The following OR1A1 variants were observed in gnomAD, a reference collection of about 807,000 sequenced individuals.
OR1A1 encodes olfactory receptor family 1 subfamily A member 1.
For missense variants in OR1A1, 391 were observed against 379.9 expected (o/e 1.03, Z -0.24); for synonymous variants, 145 against 147.8 (o/e 0.98, Z 0.13).
chr17:3,214,498 G>C (rs2048457200), intron 3 of OR1A1: 1 of 149,540 alleles, frequency 6.7e-6, no homozygotes, highest in African/African-American at 2.5e-5. Context: ...ACTCCAGCCT[G>C]GGCAAGATGC....
rs142898585 is a variant in OR1A1, at chr17:3,216,547, G to A, written c.927G>A (p.Ser309=). The change falls in exon 4 of 4, where the codon TCG becomes TCA. Residue 309 remains serine, a synonymous_variant. Transcript: ENST00000641732. ...LRKLFNKRIS[S] is the part of the protein sequence containing the mutation. ...AACTCTTCAACAAGAGAATCTCCTC[G>A]TAACCAATGTGAGGGCCTACATTGG... 11 of 1,607,292 alleles carry A rather than the reference G, an allele frequency of 6.8e-6. No homozygotes were observed. The highest frequency in any genetic ancestry group is 1.7e-4 in the Middle Eastern group (1 of 6,014).
At chr17:3,213,811 C>G (rs1484105205) in intron 3 of OR1A1, 1 of 152,162 alleles carries the variant, frequency 6.6e-6, no homozygotes, top group Non-Finnish European at 1.5e-5. Context: ...ATGAGCACAC[C>G]TCACTGCAAG....
intron 2 of OR1A1, among the ~76,000 whole-genome samples, chr17:3,211,506 T>C (rs1317032681): frequency 2.0e-5 from 3 of 152,088 alleles, no homozygotes; most frequent in African/African-American, 7.2e-5. Context: ...CAGCTAATTT[T>C]TGTATTTTTA....
At chr17:3,214,518 C>T (rs1045558116) in intron 3 of OR1A1, 5 of 130,854 alleles carry the variant, frequency 3.8e-5, no homozygotes, top group Admixed American at 2.4e-4. Flanking sequence ...CAGTGAGACT[C>T]CATCTCAAAA....
chr17:3,208,470 G>GC, intron 1 of OR1A1, 111 bp from the exon 2 acceptor site: 1 of 152,126 alleles, frequency 6.6e-6, no homozygotes, highest in Middle Eastern at 3.4e-3. Flanking sequence ...CATTACCAAA[G>GC]CACTGATGAG....
At chr17:3,212,278 T>A (rs1253267779) in intron 2 of OR1A1, among the ~76,000 whole-genome samples, 189 bp from the exon 3 acceptor site, 1 of 152,214 alleles carries the variant, frequency 6.6e-6, no homozygotes, top group Non-Finnish European at 1.5e-5. Context: ...AAGAACTAGC[T>A]AATGTCTGAA....
intron 2 of OR1A1, among the ~76,000 whole-genome samples, chr17:3,211,493 G>A (rs1217127739): frequency 3.9e-5 from 6 of 151,980 alleles, no homozygotes; most frequent in Non-Finnish European, 5.9e-5. Flanking sequence ...GCACCACCAC[G>A]CCCAGCTAAT....
chr17:3,209,179 G>A (rs371304064), intron 2 of OR1A1, among the ~76,000 whole-genome samples, 181 bp downstream of exon 2: 41 of 151,068 alleles, frequency 2.7e-4, no homozygotes, highest in African/African-American at 9.5e-4. Flanking sequence ...TTTATCCCTC[G>A]CCCCCTTCGC....
chr17:3,211,878 A>G (rs1242900127), intron 2 of OR1A1, among the ~76,000 whole-genome samples: 2 of 152,148 alleles, frequency 1.3e-5, no homozygotes, highest in East Asian at 3.8e-4. Flanking sequence ...AAAATTTTCT[A>G]TGGCCATTTT....
Position 3,216,099 on chromosome 17 carries a change from C to A in OR1A1, c.479C>A (p.Thr160Asn). The A allele has an allele frequency of 6.2e-7, 1 of 1,614,194 alleles. No homozygotes were observed. The change falls in exon 4 of 4, where the codon ACT (threonine) becomes AAT (asparagine). Residue 160 changes from threonine (T) to asparagine (N), a missense_variant. Thr to Asn is a moderately conservative substitution (Grantham distance 65, BLOSUM62 0). Coordinates refer to ENST00000641732, the MANE Select transcript of OR1A1 (RefSeq NM_014565.3). Reference protein sequence around the residue: ...VIGNANALPHTLLTASLSFCG... With the variant: ...VIGNANALPHNLLTASLSFCG... ...GGAAATGCCAATGCCCTCCCCCACA[C>A]TCTGCTCACAGCTAGTCTGTCCTTC... is the stretch of plus-strand genomic sequence containing the variant.
In OR1A1 at chr17:3,218,487, C is replaced by T. The variant is rs890354946; in HGVS notation, c.*1937C>T. Reference sequence around the variant, plus strand: ...ATGCACAAGTATATTTATTGTGGCACTGTTCACAGTAGCAAAGACTTGGAA... The same window carrying T: ...ATGCACAAGTATATTTATTGTGGCATTGTTCACAGTAGCAAAGACTTGGAA... On this transcript the variant is annotated 3_prime_UTR_variant, in exon 4 of 4. Transcript: ENST00000641732. 6.6e-6 allele frequency: 1 copy of T among 152,162 alleles called. No homozygotes were observed. The highest frequency in any genetic ancestry group is 6.5e-5 in the Admixed American group (1 of 15,268). The allele number at this position is 152,162 out of a possible 1,614,324, so 9.4% of individuals were successfully genotyped here.
intron 1 of OR1A1, among the ~76,000 whole-genome samples, 191 bp downstream of exon 1, chr17:3,208,191 A>AGAGGAG (rs71153333): frequency 3.4e-5 from 3 of 87,394 alleles, no homozygotes; most frequent in Admixed American, 1.0e-4. Context: ...AGAGAGAGAG[A>AGAGGAG]GAGGAGGAGG....
chr17:3,216,443 A>T lies in OR1A1; in HGVS notation c.823A>T (p.Met275Leu). 1 of 1,613,956 alleles carries T rather than the reference A, an allele frequency of 6.2e-7. No homozygotes were observed. Among genetic ancestry groups the T allele is most frequent in the South Asian group, 1.1e-5 (1 of 91,068 alleles). ...YSLKDAVITV[M>L]YTAVTPMLNP... ...CCTAAAAGACGCAGTGATCACTGTA[A>T]TGTACACGGCAGTGACCCCAATGTT... Residue 275 changes from methionine to leucine, a missense_variant, in exon 4 of 4, where the codon ATG (methionine) becomes TTG (leucine). By Grantham distance (15) the Met-to-Leu change is conservative (BLOSUM62 2). Transcript: ENST00000641732.
At chr17:3,212,373 A>G in intron 2 of OR1A1, 94 bp from the exon 3 acceptor site, 1 of 151,058 alleles carries the variant, frequency 6.6e-6, no homozygotes, top group Admixed American at 6.6e-5. Flanking sequence ...ACACTAAGGT[A>G]TTCCTATTTC....
At chr17:3,215,246 A>C (rs981347906) in intron 3 of OR1A1, 3 of 192,436 alleles carry the variant, frequency 1.6e-5, no homozygotes, top group African/African-American at 7.0e-5. Flanking sequence ...ATAGATGAAT[A>C]AACTGTATTT....
chr17:3,215,778 T>A lies in OR1A1; in HGVS notation c.158T>A (p.Val53Asp). ...LLIVLAICSD[V>D]RLHNPMYFLL... ...ATCGTCCTAGCCATTTGCTCTGATG[T>A]TCGCCTTCACAACCCCATGTATTTT... Residue 53 changes from valine (V) to aspartate (D), a missense_variant, in exon 4 of 4, where the codon GTT (valine) becomes GAT (aspartate). Transcript: ENST00000641732. The A allele has an allele frequency of 6.2e-7, 1 of 1,614,144 alleles. No homozygotes were observed.
intron 2 of OR1A1, among the ~76,000 whole-genome samples, chr17:3,209,826 T>C (rs1353626037): frequency 6.6e-6 from 1 of 152,236 alleles, no homozygotes; most frequent in Non-Finnish European, 1.5e-5. Flanking sequence ...ATCCAAAATC[T>C]TATTTTCTGC....
Position 3,216,248 on chromosome 17 carries a change from T to A in OR1A1, c.628T>A (p.Leu210Ile). 1 of 1,614,200 alleles carries A rather than the reference T, an allele frequency of 6.2e-7. No individual in the cohort carries two copies. Among genetic ancestry groups the A allele is most frequent in the East Asian group, 2.2e-5 (1 of 44,878 alleles). The change falls in exon 4 of 4, where the codon TTA becomes ATA. Residue 210 changes from leucine (L) to isoleucine (I), a missense_variant. By Grantham distance (5) the Leu-to-Ile change is conservative. Transcript: ENST00000641732. The stretch of plus-strand genomic sequence containing the variant: ...AGGGGTTGGCATTTTCTCTGTGCCA[T>A]TACTATGCATCATTGTCTCCTATAT... ...YLGVGIFSVP[L>I]LCIIVSYIRV...
chr17:3,216,479 A>G lies in OR1A1; in HGVS notation c.859A>G (p.Ile287Val). 1 of 1,614,104 alleles carries G rather than the reference A, an allele frequency of 6.2e-7. No individual in the cohort carries two copies. The highest frequency in any genetic ancestry group is 8.5e-7 in the Non-Finnish European group (1 of 1,179,994). ...AGTGACCCCAATGTTAAATCCTTTC[A>G]TCTACAGTCTGAGAAATCGGGACAT... The part of the protein sequence containing the change: ...TAVTPMLNPF[I>V]YSLRNRDMKA... The change falls in exon 4 of 4, where the codon ATC becomes GTC. Residue 287 changes from isoleucine to valine, a missense_variant. Ile to Val is a conservative substitution (Grantham distance 29). Coordinates refer to ENST00000641732, the MANE Select transcript of OR1A1 (RefSeq NM_014565.3).
Sources: gnomAD v4.1 joint callset for allele counts (sites outside exome capture counted in the v4.1 genomes callset) on GRCh38, gnomAD v4.1.1 for gene constraint, MANE v1.5 for transcripts, NCBI Gene and HGNC (gene_info 2026-07-23, HGNC 2026-07-21) for gene names.